The following ERCC5 variants were observed in gnomAD, a reference collection of about 807,000 sequenced individuals.
ERCC5 encodes the protein ERCC excision repair 5, endonuclease, also known as DNA excision repair protein ERCC-5.
A neutral mutation model predicts 105.6 loss-of-function variants in ERCC5; 68 were observed. That is an observed-to-expected ratio of 0.64 (90% confidence interval 0.53 to 0.79). The LOEUF is 0.79. Among genes scored for constraint, ERCC5 ranks in the 30% least tolerant of loss-of-function variants. The pLI, the probability that ERCC5 is intolerant of heterozygous loss-of-function variation, is 0.00. For synonymous variants in ERCC5, 546 were observed against 526.2 expected (o/e 1.04, Z -0.51); for missense variants, 1,373 against 1,426.7 (o/e 0.96, Z 0.61).
intron 14 of ERCC5, among the ~76,000 whole-genome samples, chr13:102,874,103 A>G (rs958030981): frequency 1.3e-4 from 20 of 152,222 alleles, no homozygotes; most frequent in Admixed American, 1.3e-3. Flanking sequence ...CCAACCAAAA[A>G]GGAAAGCTAT....
In ERCC5 at chr13:102,846,200, G is replaced by A; in HGVS notation, c.-67G>A. ...CTTCCTCCCGGGGTCCTAGGCGGCGGTGCAGTCCGTCGTAGAAGAATTAGA... is the reference window on the plus strand; with the variant it reads ...CTTCCTCCCGGGGTCCTAGGCGGCGATGCAGTCCGTCGTAGAAGAATTAGA... On this transcript the variant is annotated 5_prime_UTR_variant, in exon 1 of 15. In the 5' UTR this introduces an upstream ATG that the reference lacks. Coordinates refer to ENST00000652225, the MANE Select transcript of ERCC5 (RefSeq NM_000123.4). 7.3e-7 allele frequency: 1 copy of A among 1,371,898 alleles called. No individual in the cohort carries two copies. The highest frequency in any genetic ancestry group is 1.0e-6 in the Non-Finnish European group (1 of 976,420). The allele number at this position is 1,371,898 out of a possible 1,614,324, so 85.0% of individuals were successfully genotyped here. A position where few individuals can be genotyped will look rare whatever the true frequency, so the allele number is the denominator to read the frequency against.
intron 8 of ERCC5, among the ~76,000 whole-genome samples, chr13:102,864,083 CAG>C (rs765250986): frequency 5.3e-5 from 8 of 150,374 alleles, no homozygotes; most frequent in Non-Finnish European, 1.0e-4. Flanking sequence ...TTAGTGTTCA[CAG>C]AGACTTCATA....
intron 12 of ERCC5, among the ~76,000 whole-genome samples, chr13:102,868,960 G>A (rs1055956501): frequency 1.1e-4 from 16 of 152,212 alleles, no homozygotes; most frequent in Non-Finnish European, 2.4e-4. Flanking sequence ...ATACCACAGA[G>A]TTCACCGATT....
Position 102,862,828 on chromosome 13 carries a change from TTC to T in ERCC5, c.1681_1682del (p.Leu561PhefsTer3), listed in dbSNP as rs1233606040. 6.2e-7 allele frequency: 1 copy of T among 1,614,254 alleles called. No individual in the cohort carries two copies. Among genetic ancestry groups the T allele is most frequent in the Non-Finnish European group, 8.5e-7 (1 of 1,180,038 alleles). ...TATGAGAGTAAATTCGATTCTTCTCTTCTTTCAAGTGATGATGAAACAAAATG... is the reference window on the plus strand; with the variant it reads ...TATGAGAGTAAATTCGATTCTTCTCTTTTCAAGTGATGATGAAACAAAATG... On this transcript the variant is annotated frameshift_variant, in exon 8 of 15. Transcript: ENST00000652225. LOFTEE classifies it high-confidence loss of function.
chr13:102,851,742 T>A lies in ERCC5; in HGVS notation c.89-376T>A, dbSNP rs558366859. On this transcript the variant is annotated intron_variant, in intron 1 of 14. Transcript: ENST00000652225. ...AATGTCTGGAAGTGGTAAAATAGAC[T>A]GCAAAGTTTTAAAAAGTTTTTTTCA... Among the ~76,000 whole-genome samples, 48 of 152,352 alleles carry A rather than the reference T, an allele frequency of 3.2e-4. No individual in the cohort carries two copies. The East Asian group carries it at 7.3e-3, about 23-fold the overall frequency.
intron 5 of ERCC5, among the ~76,000 whole-genome samples, chr13:102,857,797 G>A (rs1302861036): frequency 6.6e-6 from 1 of 152,116 alleles, no homozygotes; most frequent in Admixed American, 6.5e-5. Context: ...TATCTTCCAA[G>A]TCCCTGCTCA....
rs761359775 is a variant in ERCC5 at position 102,862,848 on chromosome 13, A to G, written c.1699A>G (p.Thr567Ala). 7 of 1,614,258 alleles carry G rather than the reference A, an allele frequency of 4.3e-6. No individual in the cohort carries two copies. The highest frequency in any genetic ancestry group is 5.9e-6 in the Non-Finnish European group (7 of 1,180,040). ...DSSLLSSDDE[T>A]KCKPNSASEV... ...TTCTCTTCTTTCAAGTGATGATGAA[A>G]CAAAATGTAAACCGAATTCTGCTTC... Residue 567 changes from threonine (T) to alanine (A), a missense_variant, in exon 8 of 15, where the codon ACA (threonine) becomes GCA (alanine). Thr to Ala is a moderately conservative substitution (Grantham distance 58). This residue lies in a region of ERCC5 where 1,004 missense variants were observed against 1,059.7 expected (regional missense o/e 0.95). Transcript: ENST00000652225.
chr13:102,863,751 G>A (rs185631513), intron 8 of ERCC5, among the ~76,000 whole-genome samples: 5 of 152,226 alleles, frequency 3.3e-5, no homozygotes, highest in East Asian at 1.9e-4. Flanking sequence ...CCTGGTTCCC[G>A]TGTTCTGAGA....
chr13:102,850,307 T>C (rs1476470953), intron 1 of ERCC5, among the ~76,000 whole-genome samples: 1 of 151,918 alleles, frequency 6.6e-6, no homozygotes, highest in Non-Finnish European at 1.5e-5. Context: ...ACTGAGACCT[T>C]AGAGTAGGAG....
chr13:102,853,926 T>C, intron 3 of ERCC5, 54 bp downstream of exon 3: 1 of 1,534,202 alleles, frequency 6.5e-7, no homozygotes, highest in Non-Finnish European at 9.0e-7. Flanking sequence ...AAGTGATTTT[T>C]GTCTTGATTT....
rs1433976320 is a variant in ERCC5, at chr13:102,868,163, T to C, written c.2584T>C (p.Tyr862His). 6.2e-7 allele frequency: 1 copy of C among 1,614,190 alleles called. No homozygotes were observed. The highest frequency in any genetic ancestry group is 1.7e-5 in the Admixed American group (1 of 60,018). The change falls in exon 12 of 15, where the codon TAT (tyrosine) becomes CAT (histidine). Residue 862 changes from tyrosine to histidine, a missense_variant. Physicochemically the swap from Tyr to His is moderately conservative, Grantham distance 83. Coordinates refer to ENST00000652225, the MANE Select transcript of ERCC5 (RefSeq NM_000123.4). ...INLAYLLGSD[Y>H]TEGIPTVGCV... is the part of the protein sequence containing the mutation. ...TTTGGCTTATTTGCTTGGAAGTGAT[T>C]ATACCGAAGGAATACCAACTGTGGG...
intron 1 of ERCC5, among the ~76,000 whole-genome samples, chr13:102,848,874 G>A (rs567292679): frequency 6.6e-6 from 1 of 152,178 alleles, no homozygotes; most frequent in Admixed American, 6.5e-5. Flanking sequence ...GGCATTACCT[G>A]TAGTTAATTG....
At chr13:102,854,140 T>C in intron 3 of ERCC5, 148 bp from the exon 4 acceptor site, 1 of 857,382 alleles carries the variant, frequency 1.2e-6, no homozygotes, top group Non-Finnish European at 1.9e-6. Flanking sequence ...TTCTTGACTC[T>C]AGGTGAGCAG....
chr13:102,872,079 A>G, intron 12 of ERCC5, 119 bp from the exon 13 acceptor site: 1 of 1,159,074 alleles, frequency 8.6e-7, no homozygotes, highest in Non-Finnish European at 1.3e-6. Flanking sequence ...AATATTCTAT[A>G]TAGCATACAA....
intron 12 of ERCC5, among the ~76,000 whole-genome samples, chr13:102,869,155 G>A (rs1019118314): frequency 2.6e-5 from 4 of 152,144 alleles, no homozygotes; most frequent in African/African-American, 9.7e-5. Flanking sequence ...TCAGTGACTG[G>A]AATCACTGAA....
chr13:102,862,272 C>G lies in ERCC5; in HGVS notation c.1123C>G (p.Pro375Ala). 1 of 1,614,138 alleles carries G rather than the reference C, an allele frequency of 6.2e-7. No homozygotes were observed. The highest frequency in any genetic ancestry group is 8.5e-7 in the Non-Finnish European group (1 of 1,180,032). ...AAGGCAGGCCCGTGGGAGGAACGCA[C>G]CTGCTGCTGTAGACGAAGGCTCCAT... ...NRRQARGRNA[P>A]AAVDEGSISP... is the part of the protein sequence containing the mutation. The change falls in exon 8 of 15, where the codon CCT becomes GCT. Residue 375 changes from proline (P) to alanine (A), a missense_variant. This residue lies in a region of ERCC5 where 1,004 missense variants were observed against 1,059.7 expected (regional missense o/e 0.95). Transcript: ENST00000652225.
chr13:102,850,895 C>T (rs1566463756), intron 1 of ERCC5, among the ~76,000 whole-genome samples: 1 of 152,114 alleles, frequency 6.6e-6, no homozygotes, highest in Non-Finnish European at 1.5e-5. Context: ...AGAAAGATCA[C>T]TGATGAAGTG....
chr13:102,848,073 T>C (rs1213118211), intron 1 of ERCC5, among the ~76,000 whole-genome samples: 1 of 152,192 alleles, frequency 6.6e-6, no homozygotes, highest in Non-Finnish European at 1.5e-5. Context: ...GCAGGAAGAT[T>C]GCTTGGGCCC....
At chr13:102,846,936 G>C (rs1292013048) in intron 1 of ERCC5, among the ~76,000 whole-genome samples, 2 of 152,008 alleles carry the variant, frequency 1.3e-5, no homozygotes, top group African/African-American at 4.8e-5. Flanking sequence ...CTGCAAAGTA[G>C]AGGTGGTGAT....
Sources: gnomAD v4.1 joint callset for allele counts (sites outside exome capture counted in the v4.1 genomes callset) on GRCh38, gnomAD v4.1.1 for gene constraint, gnomAD v4.1.1 regional missense constraint, MANE v1.5 for transcripts, NCBI Gene and HGNC (gene_info 2026-07-23, HGNC 2026-07-21) for gene names.